The following DOCK9 variants were observed in gnomAD, a reference collection of about 807,000 sequenced individuals.
The protein encoded by DOCK9 is dedicator of cytokinesis protein 9.
A neutral mutation model predicts 263.3 loss-of-function variants in DOCK9; 89 were observed. That is an observed-to-expected ratio of 0.34 (90% confidence interval 0.28 to 0.40). The LOEUF is 0.40. Among genes scored for constraint, DOCK9 ranks in the 10% least tolerant of loss-of-function variants. DOCK9 has a pLI of 1.00. For synonymous variants in DOCK9, 976 were observed against 973.1 expected, an observed-to-expected ratio of 1.00 and a Z score of -0.06; for missense variants, 2,140 against 2,603.4, an observed-to-expected ratio of 0.82 and a Z score of 3.87.
chr13:98,846,202 A>G lies in DOCK9; in HGVS notation c.4062-142T>C, dbSNP rs372458137. On this transcript the variant is annotated intron_variant, in intron 37 of 52. Coordinates refer to ENST00000682017, the MANE Select transcript of DOCK9 (RefSeq NM_001366683.2). Reference sequence around the variant, plus strand: ...AACACAGTGGAGCAGCCAGAGACACAGACAGGCGGCAGCTCCTGCACACTT... The same window carrying G: ...AACACAGTGGAGCAGCCAGAGACACGGACAGGCGGCAGCTCCTGCACACTT... The G allele has an allele frequency of 1.7e-4, 178 of 1,063,646 alleles. 1 individual carries two copies. In the African/African-American group the frequency reaches 2.4e-3, roughly 14 times the overall value. The allele number at this position is 1,063,646 out of a possible 1,614,324, so 65.9% of individuals were successfully genotyped here.
In DOCK9 at chr13:98,882,011, C is replaced by T. The variant is rs373383578; in HGVS notation, c.2560-4G>A. ...GGCCTTCCATCGCATGCAGACTCTA[C>T]GGACACAGAATGGCACAGTTCATGT... On this transcript the variant is annotated splice_polypyrimidine_tract_variant and splice_region_variant and intron_variant, in intron 23 of 52. Transcript: ENST00000682017. 23 of 1,576,272 alleles carry T rather than the reference C, an allele frequency of 1.5e-5. No individual in the cohort carries two copies. The highest frequency in any genetic ancestry group is 5.5e-5 in the Admixed American group (3 of 54,566).
chr13:99,063,911 C>A (rs2041305126), intron 1 of DOCK9, among the ~76,000 whole-genome samples: 1 of 152,098 alleles, frequency 6.6e-6, no homozygotes, highest in Non-Finnish European at 1.5e-5. Context: ...CCGCAGGTTT[C>A]ACGCTGAGGA....
At chr13:98,846,590 T>G (rs2093399851) in intron 37 of DOCK9, 1 of 1,348,854 alleles carries the variant, frequency 7.4e-7, no homozygotes, top group Non-Finnish European at 9.8e-7. Context: ...AACAGAAGAG[T>G]GATTTGGGTT....
Position 98,860,453 on chromosome 13 carries a change from G to C in DOCK9, c.3649C>G (p.Leu1217Val). ...PLVTPQKGST[L>V]DNSLHKDLLG... ...AGGTCCTTGTGCAGGCTGTTGTCCA[G>C]GGTGCTTCCCTTCTGCGGCGTCACC... The change falls in exon 33 of 53, where the codon CTG becomes GTG. Residue 1217 changes from leucine (L) to valine (V), a missense_variant. By Grantham distance (32) the Leu-to-Val change is conservative. This residue lies in a region of DOCK9 where 1,521 missense variants were observed against 1,741.7 expected (regional missense o/e 0.87). Coordinates refer to ENST00000682017, the MANE Select transcript of DOCK9 (RefSeq NM_001366683.2). 1.3e-6 allele frequency: 2 copies of C among 1,594,002 alleles called. No homozygotes were observed. Among genetic ancestry groups the C allele is most frequent in the Non-Finnish European group, 1.7e-6 (2 of 1,169,430 alleles).
At chr13:99,032,252 T>A (rs1296163893) in intron 1 of DOCK9, among the ~76,000 whole-genome samples, 1 of 152,016 alleles carries the variant, frequency 6.6e-6, no homozygotes, top group Non-Finnish European at 1.5e-5. Context: ...AGGCCGATTG[T>A]CTAAGCTCAG....
intron 1 of DOCK9, among the ~76,000 whole-genome samples, chr13:98,999,310 A>ACTCTCT (rs1385708574): frequency 0.15 from 18,368 of 124,812 alleles, 1,551 homozygotes; most frequent in East Asian, 0.36. Context: ...ACACACACAC[A>ACTCTCT]CACACACTCT....
rs367545629 is a variant in DOCK9, at chr13:98,969,551, G to A, written c.126+8233C>T. Among the ~76,000 whole-genome samples the A allele has an allele frequency of 1.4e-3, 214 of 152,228 alleles. 3 individuals carry two copies. Among genetic ancestry groups the A allele is most frequent in the African/African-American group, 4.9e-3 (202 of 41,534 alleles). On this transcript the variant is annotated intron_variant, in intron 1 of 52. Transcript: ENST00000682017. ...GTGGTTCTTGTTGGGCAGAAGCCCC[G>A]TTAGTGAGGGAGACTGGAGTATAAA...
At chr13:98,875,701 C>G (rs2043716727) in intron 27 of DOCK9, among the ~76,000 whole-genome samples, 2 of 152,224 alleles carry the variant, frequency 1.3e-5, no homozygotes, top group Admixed American at 1.3e-4. Context: ...ATGATGTCTG[C>G]TTTACATTTT....
At chr13:99,086,770 C>A (rs1384108919), upstream of DOCK9, 2 of 147,896 alleles carry the variant, frequency 1.4e-5, no homozygotes, top group Admixed American at 6.7e-5. Flanking sequence ...GCGGGCCAGG[C>A]AGGTCGGCGC....
chr13:98,939,210 C>T (rs2055406438), intron 2 of DOCK9, among the ~76,000 whole-genome samples: 2 of 152,242 alleles, frequency 1.3e-5, no homozygotes, highest in Admixed American at 6.5e-5. Flanking sequence ...GAGAGCAGGA[C>T]TGCAGACCTA....
intron 50 of DOCK9, among the ~76,000 whole-genome samples, chr13:98,798,717 C>T (rs1175508351): frequency 1.3e-5 from 2 of 152,208 alleles, no homozygotes; most frequent in African/African-American, 4.8e-5. Flanking sequence ...GAAACAATTA[C>T]AGAAATACGC....
intron 1 of DOCK9, among the ~76,000 whole-genome samples, chr13:99,052,244 TA>T (rs2040731793): frequency 6.6e-6 from 1 of 152,152 alleles, no homozygotes; most frequent in South Asian, 2.1e-4. Context: ...GTGCCCTGTC[TA>T]ATGTCAGCAT....
chr13:98,906,212 A>G lies in DOCK9; in HGVS notation c.961-1506T>C, dbSNP rs548201748. Among the ~76,000 whole-genome samples, 137 of 152,302 alleles carry G rather than the reference A, an allele frequency of 9.0e-4. 2 individuals are homozygous for G. Among genetic ancestry groups the G allele is most frequent in the African/African-American group, 3.2e-3 (134 of 41,570 alleles). Reference sequence around the variant, plus strand: ...AGGCTGAGAGGAAGGCTGGAGTTCCAGCCTTGGGAGTGGATGAGATGTCCT... The same window carrying G: ...AGGCTGAGAGGAAGGCTGGAGTTCCGGCCTTGGGAGTGGATGAGATGTCCT... On this transcript the variant is annotated intron_variant, in intron 9 of 52. Coordinates refer to ENST00000682017, the MANE Select transcript of DOCK9 (RefSeq NM_001366683.2).
chr13:98,867,254 T>A (rs2094053898), intron 30 of DOCK9, 171 bp downstream of exon 30: 3 of 579,298 alleles, frequency 5.2e-6, no homozygotes, highest in Non-Finnish European at 9.1e-6. Context: ...GAAAAGTAAG[T>A]TCCCATATTT....
At chr13:98,993,218 G>A (rs187262092) in intron 1 of DOCK9, among the ~76,000 whole-genome samples, 60 of 152,226 alleles carry the variant, frequency 3.9e-4, no homozygotes, top group African/African-American at 8.4e-4. Context: ...TTCAATTACC[G>A]GCACAATTCC....
chr13:98,981,783 T>A (rs1009855601), upstream of DOCK9, among the ~76,000 whole-genome samples: 3 of 152,190 alleles, frequency 2.0e-5, no homozygotes, highest in African/African-American at 7.2e-5. Context: ...AAATGGGATG[T>A]GGTTTCTCCA....
At chr13:98,920,004 G>A (rs1171934088) in intron 7 of DOCK9, among the ~76,000 whole-genome samples, 2 of 152,196 alleles carry the variant, frequency 1.3e-5, no homozygotes, top group Admixed American at 6.5e-5. Context: ...AAGTGGCAAG[G>A]CTGGATGAAT....
At chr13:99,071,610 G>C (rs1312982380) in intron 1 of DOCK9, among the ~76,000 whole-genome samples, 1 of 152,076 alleles carries the variant, frequency 6.6e-6, no homozygotes, top group African/African-American at 2.4e-5. Context: ...GCTGTCTCAG[G>C]GGTAGCAGAG....
intron 1 of DOCK9, among the ~76,000 whole-genome samples, chr13:99,038,288 C>CCGCTTTTTTT (rs1888110933): frequency 2.3e-5 from 2 of 86,264 alleles, no homozygotes; most frequent in Non-Finnish European, 4.4e-5. Flanking sequence ...TTATGCCCCC[C>CCGCTTTTTTT]TTTTTTTTTT....
Sources: allele counts gnomAD v4.1 joint callset (sites outside exome capture counted in the v4.1 genomes callset), GRCh38; gene constraint gnomAD v4.1.1; regional missense constraint gnomAD v4.1.1; transcripts MANE v1.5; gene names NCBI Gene and HGNC (gene_info 2026-07-23, HGNC 2026-07-21).